PLEKHG1: variants seen among roughly 807,000 people sequenced by gnomAD.
PLEKHG1 encodes the protein pleckstrin homology domain-containing family G member 1.
PLEKHG1 carries 44 observed loss-of-function variants against 100.8 expected under a neutral mutation model. The observed-to-expected ratio is 0.44, with a 90% confidence interval of 0.34 to 0.56. The LOEUF (loss-of-function observed/expected upper bound fraction) is 0.56, where lower values mean the gene tolerates loss of function less well. Ranked by LOEUF, PLEKHG1 falls within the 20% of genes least tolerant of loss-of-function variation. The pLI, the probability that PLEKHG1 is intolerant of heterozygous loss-of-function variation, is 0.01. For synonymous variants in PLEKHG1, 640 were observed against 662.5 expected, an observed-to-expected ratio of 0.97 and a Z score of 0.52; for missense variants, 1,545 against 1,720.9, an observed-to-expected ratio of 0.90 and a Z score of 1.81.
intron 10 of PLEKHG1, among the ~76,000 whole-genome samples, chr6:150,811,981 T>A (rs1211758591): frequency 6.6e-6 from 1 of 152,030 alleles, no homozygotes; most frequent in Non-Finnish European, 1.5e-5. Context: ...AGTGCTGCCG[T>A]GGAGCCACAG....
intron 10 of PLEKHG1, among the ~76,000 whole-genome samples, chr6:150,815,482 A>G (rs1419682911): frequency 6.6e-6 from 1 of 152,260 alleles, no homozygotes; most frequent in Non-Finnish European, 1.5e-5. Context: ...ATTAATTGAA[A>G]ATAAAGGTGA....
intron 2 of PLEKHG1, among the ~76,000 whole-genome samples, chr6:150,764,700 G>A (rs9371471): frequency 0.36 from 55,335 of 151,650 alleles, 12,383 homozygotes; most frequent in African/African-American, 0.62. Context: ...CCCATTTCTG[G>A]CCTCCTAGAT....
Position 150,839,980 on chromosome 6 carries a change from GAGAC to G in PLEKHG1, c.3243_3246del (p.Asp1082GlyfsTer12). 6.2e-7 allele frequency: 1 copy of G among 1,614,082 alleles called. No homozygotes were observed. On this transcript the variant is annotated frameshift_variant, in exon 16 of 16. Coordinates refer to ENST00000358517, the Ensembl canonical transcript of PLEKHG1. LOFTEE classifies it low-confidence loss of function (END_TRUNC). ...CCTTCCCAGGTCCACCATGGTAGTG[GAGAC>G]TGGCTTCTGCATTCAACCTATAGTA...
At chr6:150,713,919 T>C (rs1781330110) in intron 3 of PLEKHG1, among the ~76,000 whole-genome samples, 1 of 152,230 alleles carries the variant, frequency 6.6e-6, no homozygotes, top group African/African-American at 2.4e-5. Flanking sequence ...GTGATTTAAG[T>C]CTCAATGGCT....
exon 2 of PLEKHG1, chr6:150,733,915 C>A (rs200823733): frequency 6.2e-7 from 1 of 1,614,044 alleles, no homozygotes; most frequent in African/African-American, 1.3e-5. Flanking sequence ...GGCAACAGAA[C>A]GCGGATGAGG....
rs538538209 is a variant in PLEKHG1 at position 150,721,472 on chromosome 6, T to C, written c.-99+272T>C. ...TTGTCTTAGTTTCATCTGATTTTGC[T>C]CTTTCCTTAAAGTGAGGTTGAAATA... On this transcript the variant is annotated intron_variant, in intron 1 of 15. Transcript: ENST00000358517. 1.3e-4 allele frequency among the ~76,000 whole-genome samples: 20 copies of C among 152,346 alleles called. No individual in the cohort carries two copies. In the South Asian group the frequency reaches 3.7e-3, roughly 28 times the overall value.
At chr6:150,822,801 A>AATTTAGT (rs1157298495) in intron 13 of PLEKHG1, among the ~76,000 whole-genome samples, 1 of 152,094 alleles carries the variant, frequency 6.6e-6, no homozygotes, top group Non-Finnish European at 1.5e-5. Context: ...CCAACATGGC[A>AATTTAGT]AGATCCCATC....
chr6:150,764,817 C>T (rs75138936), intron 2 of PLEKHG1, among the ~76,000 whole-genome samples: 4,138 of 152,258 alleles, frequency 0.027, 179 homozygotes, highest in African/African-American at 0.094. Context: ...GGACCACTTC[C>T]GCCTTTCCTG....
intron 11 of PLEKHG1, among the ~76,000 whole-genome samples, chr6:150,819,444 A>G (rs1024277330): frequency 2.6e-5 from 4 of 152,028 alleles, no homozygotes; most frequent in African/African-American, 9.7e-5. Flanking sequence ...ACGCGCCTGT[A>G]GTCTCAGCTT....
intron 13 of PLEKHG1, among the ~76,000 whole-genome samples, chr6:150,822,150 C>CAAA (rs58672381): frequency 4.9e-4 from 18 of 36,740 alleles, no homozygotes; most frequent in East Asian, 1.2e-3. Context: ...CCAAAGGACT[C>CAAA]AAAAAAAAAA....
At chr6:150,760,505 T>C (rs1784093107) in intron 2 of PLEKHG1, among the ~76,000 whole-genome samples, 1 of 152,206 alleles carries the variant, frequency 6.6e-6, no homozygotes, top group Admixed American at 6.5e-5. Flanking sequence ...AGCCTCATAC[T>C]GAGCTTTACT....
chr6:150,764,254 A>T (rs1037711970), intron 2 of PLEKHG1, among the ~76,000 whole-genome samples: 2 of 151,678 alleles, frequency 1.3e-5, no homozygotes, highest in African/African-American at 2.4e-5. Context: ...AGTAGCTGAG[A>T]TTAACAGGTG....
chr6:150,839,380 T>C (rs1194996725), intron 15 of PLEKHG1, among the ~76,000 whole-genome samples: 1 of 152,202 alleles, frequency 6.6e-6, no homozygotes, highest in African/African-American at 2.4e-5. Context: ...CCTCCGAAAG[T>C]GCTAGAATTA....
chr6:150,748,892 G>T (rs985947575), intron 2 of PLEKHG1, among the ~76,000 whole-genome samples: 1 of 152,120 alleles, frequency 6.6e-6, no homozygotes, highest in African/African-American at 2.4e-5. Flanking sequence ...CTCCTGAAGT[G>T]CTGGGATTAC....
chr6:150,682,326 A>C (rs1042241693), intron 3 of PLEKHG1, among the ~76,000 whole-genome samples: 4 of 152,170 alleles, frequency 2.6e-5, no homozygotes, highest in Non-Finnish European at 4.4e-5. Flanking sequence ...GTGTGGCACA[A>C]AACACTGTGC....
At position 150,823,686 on chromosome 6, in the gene PLEKHG1, A is replaced by G. The variant is rs368133084; in HGVS notation, c.1470+10A>G. 3.3e-5 allele frequency: 53 copies of G among 1,608,656 alleles called. No individual in the cohort carries two copies. The highest frequency in any genetic ancestry group is 4.0e-5 in the Non-Finnish European group (47 of 1,175,458). On this transcript the variant is annotated intron_variant, in intron 14 of 15. Coordinates refer to ENST00000358517, the Ensembl canonical transcript of PLEKHG1. ...ACAAGACATCCAAAAGGTAAGCTCT[A>G]TCTCATTTCTTACTTGGAAATGTTC... is the stretch of plus-strand genomic sequence containing the variant.
intron 14 of PLEKHG1, chr6:150,828,108 G>C: frequency 3.7e-6 from 6 of 1,613,174 alleles, no homozygotes; most frequent in Non-Finnish European, 5.1e-6. Context: ...ATTTATCAAA[G>C]CCATTTCAAC....
At chr6:150,829,518 T>C (rs1776794250) in intron 14 of PLEKHG1, among the ~76,000 whole-genome samples, 2 of 152,092 alleles carry the variant, frequency 1.3e-5, no homozygotes, top group Non-Finnish European at 2.9e-5. Context: ...CTCCAGAGGC[T>C]GAAGCACGAG....
intron 1 of PLEKHG1, among the ~76,000 whole-genome samples, chr6:150,622,149 T>C (rs563363187): frequency 6.6e-6 from 1 of 152,308 alleles, no homozygotes; most frequent in South Asian, 2.1e-4. Context: ...TGAATGAGCC[T>C]ATCATGCTGT....
Sources: allele counts gnomAD v4.1 joint callset (sites outside exome capture counted in the v4.1 genomes callset), GRCh38; gene constraint gnomAD v4.1.1; transcripts MANE v1.5; gene names NCBI Gene and HGNC (gene_info 2026-07-23, HGNC 2026-07-21).